CDH4: variants seen among roughly 807,000 people sequenced by gnomAD.
CDH4 encodes cadherin 4, also known as cadherin-4.
CDH4 carries 33 observed loss-of-function variants against 86.0 expected under a neutral mutation model. The observed-to-expected ratio is 0.38, with a 90% confidence interval of 0.29 to 0.51. CDH4 has a LOEUF of 0.51. Ranked by LOEUF, CDH4 falls within the 20% of genes least tolerant of loss-of-function variation. The probability of loss-of-function intolerance (pLI) is 0.86; values close to 1 mark genes in which losing one functional copy is unlikely to be tolerated. For missense variants in CDH4, 1,114 were observed against 1,307.4 expected (o/e 0.85, Z 2.28); for synonymous variants, 555 against 549.4 (o/e 1.01, Z -0.14).
rs1359285487 is a variant in CDH4, at chr20:61,418,225, C to T, written c.169+163288C>T. On this transcript the variant is annotated intron_variant, in intron 2 of 15. Coordinates refer to ENST00000614565, the MANE Select transcript of CDH4 (RefSeq NM_001794.5). ...CTTTTTTTTCTTTTTTTTTTTTTTTCCCTGAGACAGAGTCTCGCTCTGTCC... is the reference window on the plus strand; with the variant it reads ...CTTTTTTTTCTTTTTTTTTTTTTTTTCCTGAGACAGAGTCTCGCTCTGTCC... Among the ~76,000 whole-genome samples the T allele has an allele frequency of 1.6e-4, 21 of 131,132 alleles. 1 individual carries two copies. Among genetic ancestry groups the T allele is most frequent in the African/African-American group, 4.0e-4 (13 of 32,180 alleles). 86.0% of individuals were successfully genotyped at this position (131,132 alleles called of 152,430 possible).
chr20:61,932,881 T>C (rs2055130801), intron 13 of CDH4, 104 bp from the exon 14 acceptor site: 5 of 1,457,512 alleles, frequency 3.4e-6, no homozygotes, highest in African/African-American at 2.8e-5. Flanking sequence ...GTCATGCTTG[T>C]GTGCCACCTG....
chr20:61,459,204 C>T (rs369451080), intron 2 of CDH4, among the ~76,000 whole-genome samples: 237 of 152,016 alleles, frequency 1.6e-3, no homozygotes, highest in African/African-American at 5.3e-3. Flanking sequence ...TCCCCTTCTC[C>T]AGAAGGTTGG....
intron 2 of CDH4, among the ~76,000 whole-genome samples, chr20:61,310,032 G>T: frequency 6.6e-6 from 1 of 152,160 alleles, no homozygotes; most frequent in Non-Finnish European, 1.5e-5. Context: ...GCGGCTTACA[G>T]AAATGGGTGG....
At chr20:61,836,980 G>C (rs1370883640) in intron 4 of CDH4, among the ~76,000 whole-genome samples, 2 of 152,188 alleles carry the variant, frequency 1.3e-5, no homozygotes, top group African/African-American at 4.8e-5. Flanking sequence ...GGTCACATGA[G>C]GCCAAGAGTT....
intron 2 of CDH4, among the ~76,000 whole-genome samples, chr20:61,610,908 C>T (rs980293300): frequency 1.3e-5 from 2 of 151,090 alleles, no homozygotes; most frequent in Non-Finnish European, 2.9e-5. Flanking sequence ...CTGCAGAAGA[C>T]CCAGTAAGGG....
At chr20:61,658,346 CT>C (rs975336149) in intron 2 of CDH4, among the ~76,000 whole-genome samples, 27 of 152,216 alleles carry the variant, frequency 1.8e-4, no homozygotes, top group African/African-American at 6.3e-4. Flanking sequence ...TCATTGTCCC[CT>C]CCGAGTTCCA....
rs562430004 is a variant in CDH4 at position 61,574,719 on chromosome 20, G to A, written c.170-168844G>A. ...TGGAAGTGCTCCGGCCTCTCCACAGGTTGGGGGAGTCACATCTCTGCTTTA... is the reference window on the plus strand; with the variant it reads ...TGGAAGTGCTCCGGCCTCTCCACAGATTGGGGGAGTCACATCTCTGCTTTA... On this transcript the variant is annotated intron_variant, in intron 2 of 15. Coordinates refer to ENST00000614565, the MANE Select transcript of CDH4 (RefSeq NM_001794.5). Among the ~76,000 whole-genome samples the A allele has an allele frequency of 5.3e-3, 812 of 152,280 alleles. 3 individuals are homozygous for A. Among genetic ancestry groups the A allele is most frequent in the Admixed American group, 7.0e-3 (107 of 15,312 alleles).
chr20:61,344,025 A>C (rs982459530), intron 2 of CDH4, among the ~76,000 whole-genome samples: 3 of 152,182 alleles, frequency 2.0e-5, no homozygotes, highest in African/African-American at 4.8e-5. Context: ...CTCCAGGAAG[A>C]GGAACAAGTT....
Position 61,938,918 on chromosome 20 carries a change from C to T in CDH4, c.*1975C>T, listed in dbSNP as rs1414092116. ...GGCTGCCCAGGGAGGGCGGGGTTCA[C>T]TGTGCCACGTGCTGGGTGCCCCCCT... On this transcript the variant is annotated 3_prime_UTR_variant, in exon 16 of 16. Transcript: ENST00000614565. 2 of 152,318 alleles carry T rather than the reference C, an allele frequency of 1.3e-5. No homozygotes were observed. Among genetic ancestry groups the T allele is most frequent in the Non-Finnish European group, 2.9e-5 (2 of 68,100 alleles). 9.4% of individuals were successfully genotyped at this position (152,318 alleles called of 1,614,324 possible). A position where few individuals can be genotyped will look rare whatever the true frequency, so the allele number is the denominator to read the frequency against.
At chr20:61,387,586 G>T (rs1239363433) in intron 2 of CDH4, among the ~76,000 whole-genome samples, 7 of 151,336 alleles carry the variant, frequency 4.6e-5, no homozygotes, top group Admixed American at 2.0e-4. Flanking sequence ...ATAGACACAC[G>T]CACATTTGGC....
intron 2 of CDH4, among the ~76,000 whole-genome samples, chr20:61,742,569 C>T (rs1035599446): frequency 1.3e-5 from 2 of 151,770 alleles, no homozygotes; most frequent in Non-Finnish European, 2.9e-5. Flanking sequence ...AACCAATCCT[C>T]CCACCATAAT....
intron 2 of CDH4, among the ~76,000 whole-genome samples, chr20:61,454,447 T>G (rs1377363953): frequency 1.3e-5 from 2 of 151,900 alleles, no homozygotes; most frequent in African/African-American, 2.4e-5. Flanking sequence ...GGAGGGGCAT[T>G]TTTTTCTTTC....
chr20:61,801,145 G>T (rs146632101), intron 4 of CDH4, among the ~76,000 whole-genome samples: 81 of 152,296 alleles, frequency 5.3e-4, no homozygotes, highest in African/African-American at 1.6e-3. Flanking sequence ...CCTGCCTCCC[G>T]TTGGGAGGTG....
intron 2 of CDH4, among the ~76,000 whole-genome samples, chr20:61,696,474 G>A (rs531628884): frequency 1.3e-5 from 2 of 152,206 alleles, no homozygotes; most frequent in Non-Finnish European, 2.9e-5. Flanking sequence ...CGCCAGCTGT[G>A]TACTGAGCAC....
At chr20:61,791,817 A>T (rs1490788589) in intron 4 of CDH4, among the ~76,000 whole-genome samples, 2 of 152,090 alleles carry the variant, frequency 1.3e-5, no homozygotes, top group African/African-American at 4.8e-5. Flanking sequence ...CGCAAGTGCA[A>T]AGGCCCTGGG....
rs931350546 is a variant in CDH4, at chr20:61,556,812, C to G, written c.170-186751C>G. The stretch of plus-strand genomic sequence containing the variant: ...TGTCCTCTGCACAGCTGCTGTCAGA[C>G]AAGGAGGGTGAAAGGGAGCTGTGGT... On this transcript the variant is annotated intron_variant, in intron 2 of 15. Coordinates refer to ENST00000614565, the MANE Select transcript of CDH4 (RefSeq NM_001794.5). 4.8e-4 allele frequency among the ~76,000 whole-genome samples: 73 copies of G among 152,200 alleles called. 1 individual carries two copies. Among genetic ancestry groups the G allele is most frequent in the African/African-American group, 1.7e-3 (70 of 41,528 alleles).
intron 2 of CDH4, among the ~76,000 whole-genome samples, chr20:61,347,709 G>C (rs1052751701): frequency 6.6e-6 from 1 of 152,194 alleles, no homozygotes; most frequent in African/African-American, 2.4e-5. Flanking sequence ...TAAGCTGGCG[G>C]GGGCTGGTGT....
intron 7 of CDH4, among the ~76,000 whole-genome samples, chr20:61,891,268 T>C (rs540507802): frequency 9.8e-5 from 15 of 152,306 alleles, no homozygotes; most frequent in African/African-American, 3.4e-4. Flanking sequence ...GTCACGGCTA[T>C]GTGGTCAGCA....
At chr20:61,331,386 A>T (rs1201425204) in intron 2 of CDH4, among the ~76,000 whole-genome samples, 1 of 152,008 alleles carries the variant, frequency 6.6e-6, no homozygotes. Flanking sequence ...CTCTGTGTCC[A>T]GTCCCTTCGC....
Sources: gnomAD v4.1 joint callset for allele counts (sites outside exome capture counted in the v4.1 genomes callset) on GRCh38, gnomAD v4.1.1 for gene constraint, MANE v1.5 for transcripts, NCBI Gene and HGNC (gene_info 2026-07-23, HGNC 2026-07-21) for gene names.